The following GSE1 variants were observed in gnomAD, a reference collection of about 807,000 sequenced individuals.
GSE1 encodes the protein Gse1 coiled-coil protein.
GSE1 carries 32 observed loss-of-function variants against 112.6 expected under a neutral mutation model. That is an observed-to-expected ratio of 0.28 (90% CI 0.21 to 0.38). The LOEUF is 0.38. Among genes scored for constraint, GSE1 ranks in the 10% least tolerant of loss-of-function variants. The pLI is 1.00. For synonymous variants in GSE1, 1,115 were observed against 735.6 expected (o/e 1.52, Z -8.35); for missense variants, 2,348 against 1,699.2 (o/e 1.38, Z -6.71).
chr16:85,367,686 G>C (rs1192268935), intron 2 of GSE1, among the ~76,000 whole-genome samples: 1 of 152,212 alleles, frequency 6.6e-6, no homozygotes, highest in Admixed American at 6.5e-5. Context: ...CATGAAGGCG[G>C]GGACCGTGGC....
chr16:85,221,073 A>G (rs182172173), intron 1 of GSE1, among the ~76,000 whole-genome samples: 1,730 of 151,608 alleles, frequency 0.011, 39 homozygotes, highest in African/African-American at 0.04. Context: ...TGGGAAAACC[A>G]GGCCCCCAGC....
In GSE1 at chr16:85,661,524, C is replaced by A. The variant is rs765805247; in HGVS notation, c.2019C>A (p.Pro673=). Residue 673 remains proline, a synonymous_variant, in exon 9 of 16, where the codon CCC becomes CCA. Coordinates refer to ENST00000253458, the MANE Select transcript of GSE1 (RefSeq NM_014615.5). ...EHQPFLPGPG[P]FLAELEKSTQ... is the part of the protein sequence containing the mutation. ...AGCCCTTCCTGCCCGGGCCCGGGCC[C>A]TTCCTGGCTGAGCTCGAGAAGTCCA... is the stretch of plus-strand genomic sequence containing the variant. The A allele has an allele frequency of 3.1e-6, 5 of 1,612,110 alleles. No homozygotes were observed. The East Asian group carries it at 1.1e-4, about 36-fold the overall frequency.
intron 2 of GSE1, among the ~76,000 whole-genome samples, chr16:85,369,375 C>A (rs376314984): frequency 2.7e-5 from 4 of 148,836 alleles, no homozygotes; most frequent in Non-Finnish European, 4.5e-5. Flanking sequence ...CGACACCATT[C>A]CTGCTTAATG....
At chr16:85,173,566 C>G (rs773881201) in intron 1 of GSE1, among the ~76,000 whole-genome samples, 1 of 152,144 alleles carries the variant, frequency 6.6e-6, no homozygotes, top group Non-Finnish European at 1.5e-5. Flanking sequence ...GGCTTGCAGG[C>G]TGGGTGCCAG....
chr16:85,378,656 C>G (rs932107745), intron 2 of GSE1, among the ~76,000 whole-genome samples: 3 of 152,204 alleles, frequency 2.0e-5, no homozygotes, highest in Non-Finnish European at 1.5e-5. Flanking sequence ...CAGTTGCTGA[C>G]CCATCTTAGA....
intron 1 of GSE1, among the ~76,000 whole-genome samples, chr16:85,266,018 G>T (rs1357255390): frequency 6.6e-6 from 1 of 152,202 alleles, no homozygotes; most frequent in East Asian, 1.9e-4. Context: ...AGACAAAGTG[G>T]AATGATGGAT....
intron 1 of GSE1, among the ~76,000 whole-genome samples, chr16:85,630,552 C>A (rs954590610): frequency 1.3e-5 from 2 of 152,214 alleles, no homozygotes; most frequent in Admixed American, 6.5e-5. Context: ...CCTGGCCTCA[C>A]GCAGTCCTCC....
At chr16:85,562,363 C>A (rs540693747) in intron 1 of GSE1, among the ~76,000 whole-genome samples, 4 of 152,192 alleles carry the variant, frequency 2.6e-5, no homozygotes, top group Non-Finnish European at 5.9e-5. Flanking sequence ...TTCCCACCCC[C>A]CCTGCCCAAT....
chr16:85,373,941 G>C lies in GSE1; in HGVS notation c.2464+16298G>C, dbSNP rs1020693238. On this transcript the variant is annotated intron_variant, in intron 2 of 2. Coordinates refer to the GSE1 transcript ENST00000637419. The surrounding 1 kb of genome is among the most constrained non-coding windows in gnomAD (Gnocchi z 5.1). ...TCCCCGCTCCCCGCAGGCCCTGTCA[G>C]GTCAGCGGCGCCTTATCCATCGCCC... Among the ~76,000 whole-genome samples, 5 of 152,282 alleles carry C rather than the reference G, an allele frequency of 3.3e-5. No individual in the cohort carries two copies. Among genetic ancestry groups the C allele is most frequent in the African/African-American group, 1.2e-4 (5 of 41,552 alleles).
chr16:85,656,808 G>T lies in GSE1; in HGVS notation c.1312+143G>T. The T allele has an allele frequency of 5.8e-6, 7 of 1,205,976 alleles. No individual in the cohort carries two copies. The South Asian group carries it at 1.1e-4, about 19-fold the overall frequency. The allele number at this position is 1,205,976 out of a possible 1,614,324, so 74.7% of individuals were successfully genotyped here. The stretch of plus-strand genomic sequence containing the variant: ...TAAAAGCGTGGTGTGGCTGAACATG[G>T]AGTAGGGAGCAGAGGCACGTTGGCA... On this transcript the variant is annotated intron_variant, in intron 7 of 15. Coordinates refer to ENST00000253458, the MANE Select transcript of GSE1 (RefSeq NM_014615.5).
At chr16:85,172,921 C>G (rs1016250837) in intron 1 of GSE1, among the ~76,000 whole-genome samples, 1 of 152,224 alleles carries the variant, frequency 6.6e-6, no homozygotes, top group African/African-American at 2.4e-5. Flanking sequence ...CACCTCTCCC[C>G]CGATACGCGG....
intron 2 of GSE1, among the ~76,000 whole-genome samples, chr16:85,446,685 C>T (rs959011416): frequency 2.0e-5 from 3 of 152,150 alleles, no homozygotes; most frequent in Non-Finnish European, 2.9e-5. Flanking sequence ...GGAGACCTAC[C>T]GTGTGTTGGA....
At chr16:85,331,834 C>T (rs758408131) in intron 1 of GSE1, among the ~76,000 whole-genome samples, 6 of 151,528 alleles carry the variant, frequency 4.0e-5, no homozygotes, top group Non-Finnish European at 8.8e-5. Flanking sequence ...AGGCATGAGT[C>T]ACCGCGCCCA....
intron 1 of GSE1, among the ~76,000 whole-genome samples, chr16:85,564,875 C>G (rs978453921): frequency 6.6e-6 from 1 of 152,178 alleles, no homozygotes; most frequent in African/African-American, 2.4e-5. Context: ...CCTCAGACAG[C>G]CAGGCGTGCG....
intron 2 of GSE1, among the ~76,000 whole-genome samples, chr16:85,637,153 C>T (rs958059243): frequency 5.9e-5 from 9 of 152,246 alleles, no homozygotes; most frequent in South Asian, 4.1e-4. Context: ...AAGAGAACCT[C>T]GGTTGCATTT....
intron 2 of GSE1, among the ~76,000 whole-genome samples, chr16:85,544,043 C>T (rs1003507455): frequency 6.6e-6 from 1 of 152,170 alleles, no homozygotes; most frequent in Non-Finnish European, 1.5e-5. Flanking sequence ...CCACATTGCT[C>T]AGGCTGATGT....
At chr16:85,402,045 G>C (rs80130662) in intron 2 of GSE1, among the ~76,000 whole-genome samples, 4,279 of 152,290 alleles carry the variant, frequency 0.028, 231 homozygotes, top group Admixed American at 0.13. Flanking sequence ...GGAGACGTTG[G>C]AGGCCCAACC....
At chr16:85,230,299 T>G (rs892284691) in intron 1 of GSE1, among the ~76,000 whole-genome samples, 22 of 152,236 alleles carry the variant, frequency 1.4e-4, no homozygotes, top group Non-Finnish European at 2.8e-4. Context: ...CAGGGCTTAT[T>G]TATCTTTTGT....
intron 2 of GSE1, among the ~76,000 whole-genome samples, chr16:85,371,923 GAGGAGCCAGGCAGCCCTGGCTGA>G (rs956083225): frequency 7.2e-5 from 11 of 152,244 alleles, no homozygotes; most frequent in Non-Finnish European, 1.5e-5. Context: ...GGGGCTGGGA[GAGGAGCCAGGCAGCCCTGGCTGA>G]AGGAACGGGC....
Sources: gnomAD v4.1 joint callset for allele counts (sites outside exome capture counted in the v4.1 genomes callset) on GRCh38, gnomAD v4.1.1 for gene constraint, Gnocchi (gnomAD v3.1) non-coding constraint, MANE v1.5 for transcripts, NCBI Gene and HGNC (gene_info 2026-07-23, HGNC 2026-07-21) for gene names.